Variants in CBR4 observed in about 807,000 individuals in gnomAD.
The protein encoded by CBR4 is 3-oxoacyl-[acyl-carrier-protein] reductase.
In CBR4, 22 loss-of-function variants were observed where a neutral mutation model predicts 21.0. The ratio of observed to expected loss-of-function variants is 1.05; its 90% CI spans 0.75 to 1.50. CBR4 has a LOEUF of 1.50. Among genes scored for constraint, CBR4 ranks in the 40% most tolerant of loss-of-function variants. CBR4 has a pLI of 0.00. For synonymous variants in CBR4, 100 were observed against 104.4 expected (o/e 0.96, Z 0.26); for missense variants, 302 against 286.3 (o/e 1.05, Z -0.40).
At chr4:168,985,357 T>G (rs1764656145), downstream of CBR4, among the ~76,000 whole-genome samples, 1 of 152,068 alleles carries the variant, frequency 6.6e-6, no homozygotes, top group Non-Finnish European at 1.5e-5. Flanking sequence ...CTCACGCCAC[T>G]CAGATTGGCT....
intron 2 of CBR4, among the ~76,000 whole-genome samples, chr4:168,961,369 A>G (rs1763848066): frequency 6.6e-6 from 1 of 152,200 alleles, no homozygotes; most frequent in Non-Finnish European, 1.5e-5. Flanking sequence ...CAATATCTAT[A>G]GAATATTATA....
downstream of CBR4, among the ~76,000 whole-genome samples, chr4:168,987,072 T>A (rs1377375710): frequency 6.6e-6 from 1 of 152,230 alleles, no homozygotes; most frequent in Non-Finnish European, 1.5e-5. Flanking sequence ...AATTTATTTT[T>A]AAAAATATTC....
chr4:169,008,605 C>A (rs2126880777), intron 1 of CBR4, among the ~76,000 whole-genome samples: 1 of 152,316 alleles, frequency 6.6e-6, no homozygotes, highest in South Asian at 2.1e-4. Context: ...ACTCATGGAA[C>A]ACGATTCAAA....
intron 2 of CBR4, among the ~76,000 whole-genome samples, chr4:168,955,755 CA>C (rs1394946541): frequency 1.3e-5 from 2 of 152,124 alleles, no homozygotes; most frequent in Admixed American, 6.6e-5. Flanking sequence ...GTGCATATGT[CA>C]AGAGACCGGT....
intron 2 of CBR4, among the ~76,000 whole-genome samples, chr4:168,945,736 CTGCTGGGATT>C (rs1282842873): frequency 6.6e-6 from 1 of 152,214 alleles, no homozygotes; most frequent in Non-Finnish European, 1.5e-5. Flanking sequence ...TTAAATGGCA[CTGCTGGGATT>C]TCCAGTTAAA....
downstream of CBR4, among the ~76,000 whole-genome samples, chr4:168,984,934 T>C (rs181361932): frequency 3.3e-5 from 5 of 152,262 alleles, no homozygotes; most frequent in Admixed American, 2.0e-4. Flanking sequence ...AAGACTTAAA[T>C]GTAAAACCTA....
At chr4:168,995,386 C>CG (rs953320353) in intron 4 of CBR4, among the ~76,000 whole-genome samples, 1 of 151,848 alleles carries the variant, frequency 6.6e-6, no homozygotes, top group Non-Finnish European at 1.5e-5. Context: ...TTTTTCACCT[C>CG]GGGGAAAAAA....
chr4:168,984,308 T>C (rs1764622794), downstream of CBR4, among the ~76,000 whole-genome samples: 1 of 151,920 alleles, frequency 6.6e-6, no homozygotes, highest in Non-Finnish European at 1.5e-5. Context: ...CCATTCACAA[T>C]AGCCACACAA....
At chr4:168,946,670 G>T (rs1177855652) in intron 2 of CBR4, among the ~76,000 whole-genome samples, 1 of 152,074 alleles carries the variant, frequency 6.6e-6, no homozygotes, top group Non-Finnish European at 1.5e-5. Context: ...GTTTACTCTT[G>T]TTATTTTTGA....
intron 2 of CBR4, among the ~76,000 whole-genome samples, chr4:168,916,456 G>A (rs138195419): frequency 1.1e-3 from 161 of 146,986 alleles, no homozygotes; most frequent in African/African-American, 3.5e-3. Context: ...AGTGAAATAC[G>A]TCGGATATTT....
chr4:168,947,703 A>G lies in CBR4; in HGVS notation n.170-52938T>C, dbSNP rs536963621. 2.2e-4 allele frequency among the ~76,000 whole-genome samples: 33 copies of G among 152,256 alleles called. No homozygotes were observed. The East Asian group carries it at 6.2e-3, about 29-fold the overall frequency. ...TCTCATCCAGGTTGCTGTGAATGCT[A>G]TTAATTCATTCCTTTTTATGGCTGA... is the stretch of plus-strand genomic sequence containing the variant. On this transcript the variant is annotated intron_variant and non_coding_transcript_variant, in intron 2 of 3. Transcript: ENST00000509108.
chr4:168,902,181 T>C (rs1047301307), intron 2 of CBR4, among the ~76,000 whole-genome samples: 3 of 152,236 alleles, frequency 2.0e-5, no homozygotes, highest in Non-Finnish European at 4.4e-5. Flanking sequence ...TGTCAGTTTA[T>C]GTTACCAATT....
chr4:168,939,813 T>C (rs1763213455), intron 2 of CBR4, among the ~76,000 whole-genome samples: 1 of 152,104 alleles, frequency 6.6e-6, no homozygotes, highest in South Asian at 2.1e-4. Context: ...GGAAAAACAT[T>C]CCATGCTCAT....
At chr4:168,951,968 A>C (rs972638896) in intron 2 of CBR4, among the ~76,000 whole-genome samples, 3 of 152,196 alleles carry the variant, frequency 2.0e-5, no homozygotes, top group African/African-American at 7.2e-5. Context: ...AGTCTCTAGC[A>C]AGGCTGGGGA....
At chr4:168,955,666 C>T (rs1456917180) in intron 2 of CBR4, among the ~76,000 whole-genome samples, 1 of 152,084 alleles carries the variant, frequency 6.6e-6, no homozygotes, top group African/African-American at 2.4e-5. Flanking sequence ...GGAATATATC[C>T]CCATCCCTAG....
In CBR4 at chr4:168,962,937, A is replaced by T. The variant is rs145954141; in HGVS notation, n.169+39134T>A. On this transcript the variant is annotated intron_variant and non_coding_transcript_variant, in intron 2 of 3. Coordinates refer to the CBR4 transcript ENST00000509108. ...CTTAAAGACAGAGAAGAGAAGGGGGACTAACCTGTATTAAATGTCTACTAG... is the reference window on the plus strand; with the variant it reads ...CTTAAAGACAGAGAAGAGAAGGGGGTCTAACCTGTATTAAATGTCTACTAG... 1.1e-4 allele frequency among the ~76,000 whole-genome samples: 16 copies of T among 152,316 alleles called. No individual in the cohort carries two copies. The East Asian group carries it at 3.1e-3, about 29-fold the overall frequency.
chr4:168,924,841 A>G, intron 2 of CBR4: 1 of 1,132,708 alleles, frequency 8.8e-7, no homozygotes, highest in Non-Finnish European at 1.3e-6. Context: ...ATTATCAGCT[A>G]CTTGCACAAT....
At chr4:168,905,738 G>A (rs1441479154) in intron 2 of CBR4, among the ~76,000 whole-genome samples, 2 of 147,672 alleles carry the variant, frequency 1.4e-5, no homozygotes, top group African/African-American at 2.5e-5. Flanking sequence ...TTTAATGTTT[G>A]TGTTCATATT....
At chr4:168,990,992 T>C (rs747904339) in intron 4 of CBR4, among the ~76,000 whole-genome samples, 35 of 152,112 alleles carry the variant, frequency 2.3e-4, no homozygotes, top group Non-Finnish European at 4.4e-4. Flanking sequence ...AGGTGGAGGT[T>C]GGAGTGAGCC....
Sources: gnomAD v4.1 joint callset for allele counts (sites outside exome capture counted in the v4.1 genomes callset) on GRCh38, gnomAD v4.1.1 for gene constraint, MANE v1.5 for transcripts, NCBI Gene and HGNC (gene_info 2026-07-23, HGNC 2026-07-21) for gene names.